Variants in COPG2 observed in about 807,000 individuals in gnomAD.
The protein encoded by COPG2 is coat protein complex I subunit gamma 2.
COPG2 carries 37 observed loss-of-function variants against 46.3 expected under a neutral mutation model. That is an observed-to-expected ratio of 0.80 (90% CI 0.61 to 1.05). The LOEUF (loss-of-function observed/expected upper bound fraction) is 1.05. Ranked by LOEUF, COPG2 falls within the 50% of genes least tolerant of loss-of-function variation. The pLI, the probability that COPG2 is intolerant of heterozygous loss-of-function variation, is 0.00. For missense variants in COPG2, 427 were observed against 387.8 expected, an observed-to-expected ratio of 1.10 and a Z score of -0.85; for synonymous variants, 159 against 129.7, an observed-to-expected ratio of 1.23 and a Z score of -1.53.
chr7:130,611,432 A>G (rs10270608), intron 8 of COPG2, among the ~76,000 whole-genome samples: 4,705 of 152,248 alleles, frequency 0.031, 250 homozygotes, highest in African/African-American at 0.11. Flanking sequence ...TACTGGTGCT[A>G]TCTGTCTCTA....
At chr7:130,570,804 T>C (rs1232645664) in intron 9 of COPG2, among the ~76,000 whole-genome samples, 1 of 152,130 alleles carries the variant, frequency 6.6e-6, no homozygotes, top group African/African-American at 2.4e-5. Flanking sequence ...CAAACTATAC[T>C]ATAAGGCCAC....
At chr7:130,652,981 T>C in intron 4 of COPG2, 33 bp from the exon 5 acceptor site, 1 of 1,393,186 alleles carries the variant, frequency 7.2e-7, no homozygotes, top group South Asian at 1.2e-5. Context: ...TAACAGATTA[T>C]TGATTAGGAA....
At chr7:130,580,127 G>C (rs1207676435) in intron 9 of COPG2, among the ~76,000 whole-genome samples, 1 of 151,894 alleles carries the variant, frequency 6.6e-6, no homozygotes, top group African/African-American at 2.4e-5. Flanking sequence ...TAAAAGAACA[G>C]AGATTATAAC....
chr7:130,641,907 C>T (rs536380699), intron 5 of COPG2, among the ~76,000 whole-genome samples: 6 of 152,312 alleles, frequency 3.9e-5, no homozygotes, highest in African/African-American at 1.4e-4. Context: ...ACAGTTTCTA[C>T]AACCCATTTA....
chr7:130,640,210 G>C (rs1429812662), intron 5 of COPG2, among the ~76,000 whole-genome samples: 2 of 142,422 alleles, frequency 1.4e-5, no homozygotes, highest in Non-Finnish European at 3.0e-5. Flanking sequence ...AGAGAGATGG[G>C]CTTCTTTCTC....
intron 9 of COPG2, among the ~76,000 whole-genome samples, chr7:130,588,090 A>T (rs1308602359): frequency 2.0e-5 from 3 of 151,758 alleles, no homozygotes; most frequent in East Asian, 1.9e-4. Context: ...TCAAAACCAC[A>T]ATGAGATACC....
At chr7:130,616,856 G>C (rs868958291) in intron 6 of COPG2, 134 bp downstream of exon 6, 2 of 536,200 alleles carry the variant, frequency 3.7e-6, no homozygotes, top group African/African-American at 1.9e-5. Flanking sequence ...AGCCACAAAA[G>C]CCTTTCTGGT....
intron 6 of COPG2, among the ~76,000 whole-genome samples, chr7:130,615,327 TGAG>T (rs1415923255): frequency 6.6e-6 from 1 of 152,172 alleles, no homozygotes; most frequent in Non-Finnish European, 1.5e-5. Context: ...GAAAGTTATA[TGAG>T]GAGTGTGGAT....
chr7:130,586,111 T>C (rs1309820799), intron 9 of COPG2, among the ~76,000 whole-genome samples: 2 of 152,002 alleles, frequency 1.3e-5, no homozygotes, highest in African/African-American at 2.4e-5. Flanking sequence ...TGTGGTATAT[T>C]TATATGATGG....
intron 5 of COPG2, among the ~76,000 whole-genome samples, chr7:130,630,264 A>G (rs1554454986): frequency 6.6e-6 from 1 of 152,102 alleles, no homozygotes; most frequent in East Asian, 1.9e-4. Flanking sequence ...TTTTTAGTCT[A>G]TATATCTTAT....
At chr7:130,551,706 C>G (rs1457949000) in intron 15 of COPG2, among the ~76,000 whole-genome samples, 2 of 152,310 alleles carry the variant, frequency 1.3e-5, no homozygotes, top group Admixed American at 1.3e-4. Flanking sequence ...TCCAAGGATA[C>G]TGAAAAGATA....
intron 5 of COPG2, among the ~76,000 whole-genome samples, chr7:130,627,293 C>T (rs1035379078): frequency 3.3e-5 from 5 of 152,180 alleles, no homozygotes. Context: ...AGCTGTAAGT[C>T]GGCCTTTCTT....
intron 5 of COPG2, among the ~76,000 whole-genome samples, chr7:130,622,275 G>A (rs760250282): frequency 5.9e-5 from 9 of 152,276 alleles, no homozygotes; most frequent in East Asian, 3.9e-4. Context: ...CTGGCTGAAC[G>A]TTAACCCCAG....
At chr7:130,638,024 A>C (rs2116191105) in intron 5 of COPG2, among the ~76,000 whole-genome samples, 1 of 152,202 alleles carries the variant, frequency 6.6e-6, no homozygotes, top group Middle Eastern at 3.4e-3. Context: ...TCCACTCCAG[A>C]CCCTGTTTGC....
At chr7:130,648,806 G>A (rs2116227279) in intron 5 of COPG2, among the ~76,000 whole-genome samples, 1 of 152,292 alleles carries the variant, frequency 6.6e-6, no homozygotes, top group Middle Eastern at 3.4e-3. Context: ...TTTCATAAAG[G>A]GTAACCAGCG....
Position 130,568,311 on chromosome 7 carries a change from A to G in COPG2, c.738-3918T>C, listed in dbSNP as rs901852488. 5.9e-5 allele frequency among the ~76,000 whole-genome samples: 9 copies of G among 152,276 alleles called. No individual in the cohort carries two copies. In the South Asian group the frequency reaches 1.9e-3, roughly 32 times the overall value. On this transcript the variant is annotated intron_variant, in intron 9 of 23. Transcript: ENST00000425248. Reference sequence around the variant, plus strand: ...ATCCACCAACCAAGTCCGCTGTCTTAAAGAGACTCATCTAACACATAAGGA... The same window carrying G: ...ATCCACCAACCAAGTCCGCTGTCTTGAAGAGACTCATCTAACACATAAGGA...
At chr7:130,509,518 C>G (rs1799562147) in intron 20 of COPG2, among the ~76,000 whole-genome samples, 1 of 152,146 alleles carries the variant, frequency 6.6e-6, no homozygotes, top group Admixed American at 6.5e-5. Flanking sequence ...GAGGAAAGAA[C>G]AGGCTCAGAT....
chr7:130,663,990 C>T (rs921015871), intron 3 of COPG2, among the ~76,000 whole-genome samples: 7 of 152,048 alleles, frequency 4.6e-5, no homozygotes, highest in East Asian at 1.9e-4. Flanking sequence ...CCACCTGCCT[C>T]GGCCTCCCAA....
intron 20 of COPG2, among the ~76,000 whole-genome samples, chr7:130,528,561 G>A (rs1018462170): frequency 1.2e-4 from 18 of 152,204 alleles, no homozygotes; most frequent in African/African-American, 3.1e-4. Flanking sequence ...ATCACAGATC[G>A]TGCTGAGAGA....
Sources: gnomAD v4.1 joint callset for allele counts (sites outside exome capture counted in the v4.1 genomes callset) on GRCh38, gnomAD v4.1.1 for gene constraint, MANE v1.5 for transcripts, NCBI Gene and HGNC (gene_info 2026-07-23, HGNC 2026-07-21) for gene names.